PDE4D: variants seen among roughly 807,000 people sequenced by gnomAD.
The protein encoded by PDE4D is 3',5'-cyclic-AMP phosphodiesterase 4D.
A neutral mutation model predicts 87.4 loss-of-function variants in PDE4D; 24 were observed. The ratio of observed to expected loss-of-function variants is 0.27; its 90% CI spans 0.20 to 0.39. PDE4D has a LOEUF of 0.39. Ranked by LOEUF, PDE4D falls within the 10% of genes least tolerant of loss-of-function variation. PDE4D has a pLI of 1.00. For missense variants in PDE4D, 714 were observed against 1,041.0 expected, an observed-to-expected ratio of 0.69 and a Z score of 4.32; for synonymous variants, 384 against 383.2, an observed-to-expected ratio of 1.00 and a Z score of -0.02.
At chr5:60,375,736 C>G (rs930648974) in intron 1 of PDE4D, among the ~76,000 whole-genome samples, 1 of 152,138 alleles carries the variant, frequency 6.6e-6, no homozygotes, top group Non-Finnish European at 1.5e-5. Flanking sequence ...TATCTAATAT[C>G]ATTTCTTTTA....
intron 2 of PDE4D, among the ~76,000 whole-genome samples, chr5:60,089,552 G>A (rs1774886044): frequency 6.6e-6 from 1 of 151,746 alleles, no homozygotes; most frequent in Admixed American, 6.6e-5. Context: ...GCAGTTCTAG[G>A]ATGGAAATTT....
intron 2 of PDE4D, among the ~76,000 whole-genome samples, chr5:60,133,337 T>C (rs1358405050): frequency 6.6e-6 from 1 of 152,130 alleles, no homozygotes; most frequent in Non-Finnish European, 1.5e-5. Flanking sequence ...TATTTATTAT[T>C]AATTTTTTTT....
intron 1 of PDE4D, among the ~76,000 whole-genome samples, chr5:59,261,978 C>T (rs1222574432): frequency 6.6e-6 from 1 of 151,722 alleles, no homozygotes; most frequent in Non-Finnish European, 1.5e-5. Context: ...ATTACTCCAC[C>T]CCAAATTCAA....
chr5:58,976,292 GACATGTGC>G (rs370813027), intron 13 of PDE4D, 50 bp downstream of exon 13: 48 of 1,541,480 alleles, frequency 3.1e-5, no homozygotes, highest in South Asian at 2.9e-4. Context: ...TGAACACGCA[GACATGTGC>G]ACATGTGCAC....
At chr5:59,536,504 C>CAA (rs10586960) in intron 1 of PDE4D, among the ~76,000 whole-genome samples, 775 of 56,352 alleles carry the variant, frequency 0.014, 42 homozygotes, top group East Asian at 0.093. Context: ...GACTCAGCCT[C>CAA]AAAAAAAAAA....
chr5:60,277,234 G>A lies in PDE4D; in HGVS notation c.-89-91547C>T, dbSNP rs531431497. Reference sequence around the variant, plus strand: ...GTACAAGACAAGGATCCTCACTCTCGCCACTTCTAGTCAACATAATACTGA... The same window carrying A: ...GTACAAGACAAGGATCCTCACTCTCACCACTTCTAGTCAACATAATACTGA... On this transcript the variant is annotated intron_variant, in intron 1 of 16. Transcript: ENST00000502484. Among the ~76,000 whole-genome samples the A allele has an allele frequency of 7.5e-4, 114 of 151,886 alleles. 2 individuals are homozygous for A. Among genetic ancestry groups the A allele is most frequent in the Non-Finnish European group, 5.6e-4 (38 of 67,936 alleles).
intron 1 of PDE4D, among the ~76,000 whole-genome samples, chr5:60,283,061 C>T (rs1333265828): frequency 1.3e-5 from 2 of 152,048 alleles, no homozygotes; most frequent in Non-Finnish European, 2.9e-5. Flanking sequence ...TATATCTTTA[C>T]TGATTTTCTG....
intron 1 of PDE4D, among the ~76,000 whole-genome samples, chr5:60,516,849 G>A (rs762791901): frequency 2.0e-5 from 3 of 152,318 alleles, no homozygotes; most frequent in African/African-American, 7.2e-5. Flanking sequence ...CAGGCAAGGC[G>A]CAGCCAGGGC....
chr5:59,353,277 C>A (rs973104340), intron 1 of PDE4D, among the ~76,000 whole-genome samples: 1 of 151,922 alleles, frequency 6.6e-6, no homozygotes, highest in Non-Finnish European at 1.5e-5. Context: ...CCCTAGTGTT[C>A]TCTTATTGGA....
chr5:59,493,349 C>T (rs1278932347), intron 1 of PDE4D, among the ~76,000 whole-genome samples: 2 of 152,108 alleles, frequency 1.3e-5, no homozygotes, highest in East Asian at 1.9e-4. Context: ...AATGTATATA[C>T]GTAAATGCCT....
chr5:60,186,742 G>A (rs1784814811), intron 1 of PDE4D, among the ~76,000 whole-genome samples: 2 of 152,080 alleles, frequency 1.3e-5, no homozygotes, highest in Non-Finnish European at 2.9e-5. Flanking sequence ...AGTGATTAAG[G>A]TCTGAAGGAG....
At chr5:59,155,754 G>C (rs944500024) in intron 5 of PDE4D, among the ~76,000 whole-genome samples, 9 of 152,144 alleles carry the variant, frequency 5.9e-5, no homozygotes, top group Non-Finnish European at 1.3e-4. Context: ...CAAGGGCCCA[G>C]ATGCAGGGGT....
At chr5:59,105,866 A>T (rs1771498309) in intron 5 of PDE4D, among the ~76,000 whole-genome samples, 1 of 152,202 alleles carries the variant, frequency 6.6e-6, no homozygotes, top group African/African-American at 2.4e-5. Context: ...AGTTCTAGAG[A>T]TGTGATAGAG....
rs900225658 is a variant in PDE4D, at chr5:60,410,597, C to G, written c.-90+77345G>C. The stretch of plus-strand genomic sequence containing the variant: ...CCCATCTGGATGAGATGTCAGTGAA[C>G]TTTGTGACTCACCACAAGTCTTGAC... On this transcript the variant is annotated intron_variant, in intron 1 of 16. Transcript: ENST00000502484. Among the ~76,000 whole-genome samples the G allele has an allele frequency of 1.1e-4, 17 of 152,212 alleles. 1 individual carries two copies. The highest frequency in any genetic ancestry group is 1.1e-3 in the Admixed American group (17 of 15,286).
At chr5:59,350,207 T>G (rs1291935824) in intron 1 of PDE4D, among the ~76,000 whole-genome samples, 2 of 152,184 alleles carry the variant, frequency 1.3e-5, no homozygotes, top group Non-Finnish European at 2.9e-5. Context: ...CATTGCCCAA[T>G]TATGGCTCTT....
chr5:59,906,075 A>G (rs938090213), intron 3 of PDE4D, among the ~76,000 whole-genome samples: 3 of 152,198 alleles, frequency 2.0e-5, no homozygotes, highest in African/African-American at 7.2e-5. Context: ...TGCAGTGGGC[A>G]CTTCACTTAT....
intron 1 of PDE4D, among the ~76,000 whole-genome samples, chr5:60,453,714 C>A (rs955514473): frequency 2.0e-5 from 3 of 151,882 alleles, no homozygotes; most frequent in Admixed American, 6.6e-5. Flanking sequence ...TCCTTTTCTG[C>A]CTGTTGACAA....
chr5:60,168,385 C>G (rs1047732329), intron 2 of PDE4D, among the ~76,000 whole-genome samples: 4 of 152,182 alleles, frequency 2.6e-5, no homozygotes, highest in African/African-American at 9.7e-5. Flanking sequence ...TTTCTAATTC[C>G]TCACTGGAAA....
chr5:59,944,930 A>G (rs1561893418), intron 3 of PDE4D, among the ~76,000 whole-genome samples: 1 of 152,184 alleles, frequency 6.6e-6, no homozygotes, highest in South Asian at 2.1e-4. Context: ...GTTTAAACCC[A>G]AATCTCACAA....
Sources: gnomAD v4.1 joint callset for allele counts (sites outside exome capture counted in the v4.1 genomes callset) on GRCh38, gnomAD v4.1.1 for gene constraint, MANE v1.5 for transcripts, NCBI Gene and HGNC (gene_info 2026-07-23, HGNC 2026-07-21) for gene names.